The following TTC28 variants were observed in gnomAD, a reference collection of about 807,000 sequenced individuals.
TTC28 encodes the protein tetratricopeptide repeat domain 28.
Under a neutral mutation model 198.0 loss-of-function variants are expected in TTC28, and 61 were observed. The observed-to-expected ratio is 0.31, with a 90% CI of 0.25 to 0.38. TTC28 has a LOEUF of 0.38. Among genes scored for constraint, TTC28 ranks in the 10% least tolerant of loss-of-function variants. The pLI is 1.00. For synonymous variants in TTC28, 1,171 were observed against 1,297.8 expected (o/e 0.90, Z 2.10); for missense variants, 2,678 against 3,164.0 (o/e 0.85, Z 3.69).
chr22:28,110,621 G>A (rs908672814), intron 6 of TTC28, among the ~76,000 whole-genome samples: 11 of 152,076 alleles, frequency 7.2e-5, no homozygotes, highest in African/African-American at 2.4e-4. Flanking sequence ...CTTATACAAT[G>A]GAATAAACAT....
intron 1 of TTC28, among the ~76,000 whole-genome samples, chr22:28,659,367 C>T (rs1209841540): frequency 6.6e-6 from 1 of 151,988 alleles, no homozygotes; most frequent in African/African-American, 2.4e-5. Context: ...CTCCCAGGTT[C>T]AAGTGATTCT....
intron 5 of TTC28, among the ~76,000 whole-genome samples, chr22:28,176,154 AT>A (rs1923148829): frequency 6.6e-6 from 1 of 152,232 alleles, no homozygotes; most frequent in Admixed American, 6.5e-5. Context: ...AAGATAGGGA[AT>A]CAACCTAAGT....
chr22:28,140,060 G>A (rs1453048722), intron 6 of TTC28, among the ~76,000 whole-genome samples: 1 of 152,154 alleles, frequency 6.6e-6, no homozygotes, highest in Non-Finnish European at 1.5e-5. Context: ...GTGTAGTCCT[G>A]GCTGCCTGGG....
chr22:28,164,950 T>A (rs1409298384), intron 5 of TTC28, among the ~76,000 whole-genome samples: 1 of 151,922 alleles, frequency 6.6e-6, no homozygotes, highest in Non-Finnish European at 1.5e-5. Context: ...GACAAATGGC[T>A]AACTAGAATA....
chr22:28,008,599 T>C (rs1237538440), intron 14 of TTC28: 1 of 152,236 alleles, frequency 6.6e-6, no homozygotes, highest in Admixed American at 6.5e-5. Context: ...ACAGAGACTC[T>C]ATAACTAGAG....
intron 5 of TTC28, among the ~76,000 whole-genome samples, chr22:28,284,923 A>G (rs75126283): frequency 0.013 from 2,021 of 152,306 alleles, 43 homozygotes; most frequent in African/African-American, 0.046. Flanking sequence ...AGCCATTAAG[A>G]AAAATAATAT....
chr22:27,983,513 C>A lies in TTC28; in HGVS notation c.6154G>T (p.Asp2052Tyr). ...GAAAACCCTTCATATTCTTCTTCAT[C>A]TTTGTTGCCTGCAGGGCGGGTCTGG... ...PPQTRPAGNKDEEEYEGFSII... is the reference protein window; with the variant it reads ...PPQTRPAGNKYEEEYEGFSII... Residue 2052 changes from aspartate (D) to tyrosine (Y), a missense_variant, in exon 23 of 23, where the codon GAT (aspartate) becomes TAT (tyrosine). Physicochemically the swap from Asp to Tyr is radical, Grantham distance 160 (BLOSUM62 -3). Coordinates refer to ENST00000397906, the MANE Select transcript of TTC28 (RefSeq NM_001145418.2). 1 of 1,549,392 alleles carries A rather than the reference C, an allele frequency of 6.5e-7. No homozygotes were observed. Among genetic ancestry groups the A allele is most frequent in the Non-Finnish European group, 8.7e-7 (1 of 1,146,410 alleles).
intron 5 of TTC28, among the ~76,000 whole-genome samples, chr22:28,250,330 A>G (rs1386530298): frequency 6.6e-6 from 1 of 152,212 alleles, no homozygotes; most frequent in Non-Finnish European, 1.5e-5. Context: ...TTATATTTCA[A>G]AATTTAAAAC....
intron 1 of TTC28, among the ~76,000 whole-genome samples, chr22:28,648,718 G>A (rs2051518772): frequency 6.6e-6 from 1 of 152,216 alleles, no homozygotes; most frequent in Admixed American, 6.5e-5. Flanking sequence ...AGACCAGCCT[G>A]GGCAACAGGG....
intron 2 of TTC28, among the ~76,000 whole-genome samples, chr22:28,491,751 C>T (rs1389203284): frequency 5.3e-5 from 8 of 152,162 alleles, no homozygotes; most frequent in Non-Finnish European, 1.0e-4. Context: ...CCAGCCATCT[C>T]ATTACTGGGT....
At chr22:28,133,686 C>T (rs1231248374) in intron 6 of TTC28, among the ~76,000 whole-genome samples, 1 of 152,202 alleles carries the variant, frequency 6.6e-6, no homozygotes, top group Non-Finnish European at 1.5e-5. Flanking sequence ...AATGCTGAGG[C>T]TTGAGTAGGT....
intron 12 of TTC28, among the ~76,000 whole-genome samples, chr22:28,038,600 T>G (rs1191896220): frequency 2.0e-5 from 3 of 152,174 alleles, no homozygotes; most frequent in African/African-American, 4.8e-5. Flanking sequence ...ATTCAGGACA[T>G]AGGCATGGCC....
Position 28,049,997 on chromosome 22 carries a change from C to G in TTC28, c.3933-19631G>C, listed in dbSNP as rs1940023574. Among the ~76,000 whole-genome samples, 4 of 152,176 alleles carry G rather than the reference C, an allele frequency of 2.6e-5. 1 individual carries two copies. In the South Asian group the frequency reaches 8.3e-4, roughly 31 times the overall value. On this transcript the variant is annotated intron_variant, in intron 12 of 22. Coordinates refer to ENST00000397906, the MANE Select transcript of TTC28 (RefSeq NM_001145418.2). ...AGTTGAGACACATTATTAATGACAGCTGAAGTCAATTACTGAGTGTCATGG... is the reference window on the plus strand; with the variant it reads ...AGTTGAGACACATTATTAATGACAGGTGAAGTCAATTACTGAGTGTCATGG...
intron 2 of TTC28, among the ~76,000 whole-genome samples, chr22:28,451,854 T>C (rs2047782793): frequency 6.6e-6 from 1 of 152,202 alleles, no homozygotes; most frequent in South Asian, 2.1e-4. Context: ...TGCTATTATA[T>C]AATTAATTGG....
chr22:28,040,799 T>C (rs369377893), intron 12 of TTC28, among the ~76,000 whole-genome samples: 5 of 152,276 alleles, frequency 3.3e-5, no homozygotes, highest in South Asian at 4.1e-4. Flanking sequence ...TCAAATTGTC[T>C]CTGTTTGCAG....
At chr22:28,524,232 C>T (rs2048964568) in intron 2 of TTC28, among the ~76,000 whole-genome samples, 1 of 150,574 alleles carries the variant, frequency 6.6e-6, no homozygotes, top group Admixed American at 6.6e-5. Context: ...CCAAGACGGG[C>T]AGATCACCAG....
chr22:28,251,530 C>T (rs2147274837), intron 5 of TTC28, among the ~76,000 whole-genome samples: 1 of 152,204 alleles, frequency 6.6e-6, no homozygotes, highest in South Asian at 2.1e-4. Context: ...GGAGTCTATA[C>T]CTGGCTCTAT....
At chr22:28,334,699 A>AT (rs1008897443) in intron 2 of TTC28, among the ~76,000 whole-genome samples, 3 of 151,120 alleles carry the variant, frequency 2.0e-5, no homozygotes, top group Admixed American at 6.6e-5. Context: ...TAATGGGGTT[A>AT]TTTTTTTCTT....
At chr22:28,399,779 A>G (rs1193880361) in intron 2 of TTC28, among the ~76,000 whole-genome samples, 1 of 151,970 alleles carries the variant, frequency 6.6e-6, no homozygotes, top group Non-Finnish European at 1.5e-5. Context: ...CCTTCAAAGC[A>G]CTCCATCCCT....
Sources: allele counts gnomAD v4.1 joint callset (sites outside exome capture counted in the v4.1 genomes callset), GRCh38; gene constraint gnomAD v4.1.1; transcripts MANE v1.5; gene names NCBI Gene and HGNC (gene_info 2026-07-23, HGNC 2026-07-21).